The following LMO7 variants were observed in gnomAD, a reference collection of about 807,000 sequenced individuals.
LMO7 encodes LIM domain only protein 7.
A neutral mutation model predicts 206.5 loss-of-function variants in LMO7; 120 were observed. The ratio of observed to expected loss-of-function variants is 0.58; its 90% confidence interval spans 0.50 to 0.68. The LOEUF (loss-of-function observed/expected upper bound fraction) is 0.68, where lower values mean the gene tolerates loss of function less well. Among genes scored for constraint, LMO7 ranks in the 30% least tolerant of loss-of-function variants. The pLI, the probability that LMO7 is intolerant of heterozygous loss-of-function variation, is 0.00. For synonymous variants in LMO7, 706 were observed against 681.5 expected (o/e 1.04, Z -0.56); for missense variants, 1,959 against 1,957.9 (o/e 1.00, Z -0.01).
At chr13:75,717,375 A>C (rs990913775) in intron 2 of LMO7, among the ~76,000 whole-genome samples, 4 of 150,426 alleles carry the variant, frequency 2.7e-5, no homozygotes, top group African/African-American at 7.3e-5. Context: ...AAAAAAAAAA[A>C]AAAAAACACA....
At chr13:75,678,062 T>A (rs1278812755) in intron 1 of LMO7, among the ~76,000 whole-genome samples, 1 of 152,172 alleles carries the variant, frequency 6.6e-6, no homozygotes, top group Non-Finnish European at 1.5e-5. Flanking sequence ...TTTGGCTTGG[T>A]TCCAAGTCTT....
At chr13:75,663,432 C>CTTTCTTTTTTTTTTTTTTTT (rs1555289857) in intron 1 of LMO7, among the ~76,000 whole-genome samples, 2 of 111,408 alleles carry the variant, frequency 1.8e-5, no homozygotes, top group African/African-American at 3.8e-5. Flanking sequence ...TTCTTTCTTT[C>CTTTCTTTTTTTTTTTTTTTT]TTTTTTTTTT....
At chr13:75,756,552 G>A (rs2047698820) in intron 3 of LMO7, among the ~76,000 whole-genome samples, 1 of 152,172 alleles carries the variant, frequency 6.6e-6, no homozygotes, top group African/African-American at 2.4e-5. Context: ...GAGTCTTCAT[G>A]AAGGAACTGC....
At chr13:75,797,224 G>A (rs934303633) in intron 6 of LMO7, among the ~76,000 whole-genome samples, 2 of 152,142 alleles carry the variant, frequency 1.3e-5, no homozygotes, top group African/African-American at 2.4e-5. Context: ...CTACCATGCC[G>A]CCTCTGTTTC....
At chr13:75,643,332 C>G (rs1352747336) in intron 1 of LMO7, among the ~76,000 whole-genome samples, 2 of 152,196 alleles carry the variant, frequency 1.3e-5, no homozygotes, top group Admixed American at 1.3e-4. Flanking sequence ...AAAGTGACAT[C>G]AACATATTTG....
At position 75,834,283 on chromosome 13, in the gene LMO7, A is replaced by C. The variant is rs1184995126; in HGVS notation, c.3122A>C (p.Asn1041Thr). The change falls in exon 17 of 31, where the codon AAC becomes ACC. Residue 1041 changes from asparagine to threonine, a missense_variant. By Grantham distance (65) the Asn-to-Thr change is moderately conservative. Transcript: ENST00000377534. ...GATGATGAAATTATTGCTATTAACA[A>C]CACCAAGTTTTCATATAACGATTCA... ...QVDDEIIAIN[N>T]TKFSYNDSKE... The C allele has an allele frequency of 6.2e-7, 1 of 1,611,348 alleles. No homozygotes were observed. The highest frequency in any genetic ancestry group is 1.7e-5 in the Admixed American group (1 of 59,646).
At chr13:75,777,531 T>A (rs2050670384) in intron 4 of LMO7, among the ~76,000 whole-genome samples, 1 of 152,240 alleles carries the variant, frequency 6.6e-6, no homozygotes, top group African/African-American at 2.4e-5. Context: ...GAAAATACTT[T>A]GGTATTATAA....
chr13:75,854,458 C>T (rs61959583), intron 28 of LMO7, among the ~76,000 whole-genome samples: 20,501 of 151,878 alleles, frequency 0.13, 1,702 homozygotes, highest in Admixed American at 0.22. Context: ...CATTTACTGA[C>T]GGAGAGACCC....
chr13:75,781,996 T>G (rs965839400), intron 4 of LMO7, among the ~76,000 whole-genome samples: 4 of 152,190 alleles, frequency 2.6e-5, no homozygotes, highest in Non-Finnish European at 5.9e-5. Context: ...CTTGTAAATT[T>G]GTTTGAGTTC....
At chr13:75,732,920 G>A (rs1231639368) in intron 3 of LMO7, among the ~76,000 whole-genome samples, 4 of 152,204 alleles carry the variant, frequency 2.6e-5, no homozygotes, top group African/African-American at 9.7e-5. Context: ...TATCAGCAGC[G>A]GTGTCTGCAG....
chr13:75,731,773 G>T (rs1294985750), intron 3 of LMO7, among the ~76,000 whole-genome samples: 3 of 152,082 alleles, frequency 2.0e-5, no homozygotes, highest in African/African-American at 4.8e-5. Context: ...GGTATCAGTT[G>T]TTCCTTTCCA....
At chr13:75,841,274 A>G (rs2059537970) in intron 23 of LMO7, 73 bp downstream of exon 23, 1 of 962,450 alleles carries the variant, frequency 1.0e-6, no homozygotes, top group Non-Finnish European at 1.6e-6. Context: ...GAATCAGGAG[A>G]CACTTCATTT....
chr13:75,636,874 T>A, intron 1 of LMO7, 148 bp downstream of exon 1: 2 of 780,796 alleles, frequency 2.6e-6, no homozygotes, highest in Non-Finnish European at 4.3e-6. Flanking sequence ...TGTGCACTTT[T>A]GGGGACTCTG....
chr13:75,816,919 T>C (rs896683102), intron 11 of LMO7: 1 of 301,334 alleles, frequency 3.3e-6, no homozygotes, highest in Non-Finnish European at 6.1e-6. Flanking sequence ...GTTTGTTTGT[T>C]TTTTTTGAGA....
intron 9 of LMO7, chr13:75,807,046 A>C (rs594666): frequency 0.012 from 1,870 of 160,668 alleles, 48 homozygotes; most frequent in African/African-American, 0.042. Context: ...GCTTGAACCC[A>C]GGAGGCGGAG....
chr13:75,850,966 T>A (rs1156662333), intron 27 of LMO7, among the ~76,000 whole-genome samples: 1 of 152,196 alleles, frequency 6.6e-6, no homozygotes, highest in Non-Finnish European at 1.5e-5. Flanking sequence ...GTGTTCTGCA[T>A]ATGGGCCTCT....
At chr13:75,774,343 A>C (rs762110116) in intron 4 of LMO7, among the ~76,000 whole-genome samples, 1 of 152,044 alleles carries the variant, frequency 6.6e-6, no homozygotes, top group African/African-American at 2.4e-5. Context: ...CAATTTGCCT[A>C]CTTTTTTGAA....
In LMO7 at chr13:75,819,545, C is replaced by T. The variant is rs2057371840; in HGVS notation, c.2207+10C>T. On this transcript the variant is annotated intron_variant, in intron 13 of 30. Coordinates refer to ENST00000377534, the MANE Select transcript of LMO7 (RefSeq NM_001306080.2). ...AAATGCTGCAGGACAGGTAATAATG[C>T]TGAATGCACCTCGGTTGTAACAGGG... 1 of 1,567,010 alleles carries T rather than the reference C, an allele frequency of 6.4e-7. No homozygotes were observed. The highest frequency in any genetic ancestry group is 8.6e-7 in the Non-Finnish European group (1 of 1,163,658).
At chr13:75,704,787 CTTG>C (rs759059893) in intron 1 of LMO7, among the ~76,000 whole-genome samples, 2 of 152,144 alleles carry the variant, frequency 1.3e-5, no homozygotes, top group African/African-American at 2.4e-5. Context: ...TTCAGAGAAA[CTTG>C]TTGTTTACAT....
Sources: allele counts gnomAD v4.1 joint callset (sites outside exome capture counted in the v4.1 genomes callset), GRCh38; gene constraint gnomAD v4.1.1; transcripts MANE v1.5; gene names NCBI Gene and HGNC (gene_info 2026-07-23, HGNC 2026-07-21).